Variants in EAF1 observed in about 807,000 individuals in gnomAD.
EAF1 encodes the protein ELL associated factor 1.
In EAF1, 19 loss-of-function variants were observed where a neutral mutation model predicts 26.6. That is an observed-to-expected ratio of 0.71 (90% CI 0.50 to 1.05). EAF1 has a LOEUF of 1.05. Ranked by LOEUF, EAF1 falls within the 50% of genes least tolerant of loss-of-function variation. The pLI is 0.00. For missense variants in EAF1, 260 were observed against 335.5 expected, an observed-to-expected ratio of 0.78 and a Z score of 1.76; for synonymous variants, 102 against 120.6, an observed-to-expected ratio of 0.85 and a Z score of 1.01.
At chr3:15,429,888 A>G (rs763173218) in intron 1 of EAF1, 25 bp from the exon 2 acceptor site, 2 of 1,515,340 alleles carry the variant, frequency 1.3e-6, no homozygotes, top group South Asian at 1.1e-5. Flanking sequence ...CTGGTGGGTA[A>G]GTGCTTTTTT....
intron 5 of EAF1, among the ~76,000 whole-genome samples, chr3:15,437,451 C>A (rs955232220): frequency 6.6e-6 from 1 of 151,904 alleles, no homozygotes; most frequent in African/African-American, 2.4e-5. Flanking sequence ...CCATACCCAG[C>A]CATTTTTAAA....
Position 15,439,218 on chromosome 3 carries a change from G to A in EAF1, c.*63G>A. 4 of 1,548,564 alleles carry A rather than the reference G, an allele frequency of 2.6e-6. No individual in the cohort carries two copies. Among genetic ancestry groups the A allele is most frequent in the Non-Finnish European group, 3.5e-6 (4 of 1,130,088 alleles). On this transcript the variant is annotated 3_prime_UTR_variant, in exon 6 of 6. Coordinates refer to ENST00000396842, the MANE Select transcript of EAF1 (RefSeq NM_033083.7). ...CATGCCGCAAGACTGAGCTACTTTG[G>A]CGTGGAGTCCATTGCAAGAGGAAAA...
chr3:15,429,811 C>T, intron 1 of EAF1, 102 bp from the exon 2 acceptor site: 3 of 738,762 alleles, frequency 4.1e-6, no homozygotes, highest in Non-Finnish European at 4.7e-6. Flanking sequence ...TTTTTATTTT[C>T]CATTCATCTG....
In EAF1 at chr3:15,440,543, T is replaced by C. The variant is rs1235453404; in HGVS notation, c.*1388T>C. On this transcript the variant is annotated 3_prime_UTR_variant, in exon 6 of 6. Transcript: ENST00000396842. The stretch of plus-strand genomic sequence containing the variant: ...TTTCCTCCACAGGTCCCTCCACTCA[T>C]ATGGCCTCTCCCTCCCCAGCTAGTG... The C allele has an allele frequency of 1.3e-5, 2 of 152,200 alleles. No individual in the cohort carries two copies. Among genetic ancestry groups the C allele is most frequent in the African/African-American group, 4.8e-5 (2 of 41,456 alleles). 9.4% of individuals were successfully genotyped at this position (152,200 alleles called of 1,614,324 possible).
At chr3:15,430,066 A>G in intron 2 of EAF1, 59 bp downstream of exon 2, 1 of 1,213,730 alleles carries the variant, frequency 8.2e-7, no homozygotes, top group Non-Finnish European at 1.2e-6. Context: ...TGTCTTTTAT[A>G]TTATTGCAAT....
chr3:15,428,271 C>A (rs1180450755), intron 1 of EAF1, among the ~76,000 whole-genome samples: 1 of 151,596 alleles, frequency 6.6e-6, no homozygotes, highest in East Asian at 1.9e-4. Context: ...TCCGATGCTC[C>A]CATCAGGGTT....
Position 15,436,670 on chromosome 3 carries a change from G to A in EAF1, c.760+95G>A, listed in dbSNP as rs112860435. The A allele has an allele frequency of 1.4e-3, 1,469 of 1,046,286 alleles. 13 individuals carry two copies. In the African/African-American group the frequency reaches 0.021, roughly 15 times the overall value. 64.8% of individuals were successfully genotyped at this position (1,046,286 alleles called of 1,614,324 possible). ...ACTTACAAACCTAAAGATGTTTAAGGCATGGGAGAGGATCTTGTTAAAAAT... is the reference window on the plus strand; with the variant it reads ...ACTTACAAACCTAAAGATGTTTAAGACATGGGAGAGGATCTTGTTAAAAAT... On this transcript the variant is annotated intron_variant, in intron 5 of 5. Coordinates refer to ENST00000396842, the MANE Select transcript of EAF1 (RefSeq NM_033083.7).
Position 15,442,488 on chromosome 3 carries a change from T to C in EAF1, c.*3333T>C, listed in dbSNP as rs1454247797. 1 of 150,638 alleles carries C rather than the reference T, an allele frequency of 6.6e-6. No homozygotes were observed. Among genetic ancestry groups the C allele is most frequent in the Non-Finnish European group, 1.5e-5 (1 of 68,028 alleles). 9.3% of individuals were successfully genotyped at this position (150,638 alleles called of 1,614,324 possible). On this transcript the variant is annotated 3_prime_UTR_variant, in exon 6 of 6. Coordinates refer to ENST00000396842, the MANE Select transcript of EAF1 (RefSeq NM_033083.7). ...TTTAAAATCTTGTGCCTAAAAGTTTTTTTGCTTAATTATGAAGTAGACATG... is the reference window on the plus strand; with the variant it reads ...TTTAAAATCTTGTGCCTAAAAGTTTCTTTGCTTAATTATGAAGTAGACATG...
Position 15,428,794 on chromosome 3 carries a change from C to G in EAF1, c.103+912C>G, listed in dbSNP as rs979547120. On this transcript the variant is annotated intron_variant, in intron 1 of 5. Transcript: ENST00000396842. ...ACTTCTGGTTTCCGTGGTGCTAACGCTGTTGTTAAGACTTGTTTTTGTCAG... is the reference window on the plus strand; with the variant it reads ...ACTTCTGGTTTCCGTGGTGCTAACGGTGTTGTTAAGACTTGTTTTTGTCAG... Among the ~76,000 whole-genome samples, 4 of 152,180 alleles carry G rather than the reference C, an allele frequency of 2.6e-5. No individual in the cohort carries two copies. The East Asian group carries it at 7.7e-4, about 29-fold the overall frequency.
chr3:15,433,439 A>G (rs2061814363), intron 3 of EAF1, among the ~76,000 whole-genome samples: 1 of 152,190 alleles, frequency 6.6e-6, no homozygotes, highest in Admixed American at 6.5e-5. Context: ...TGATATGGGA[A>G]CTAACAGTAT....
chr3:15,438,137 C>G (rs1372953201), intron 5 of EAF1, among the ~76,000 whole-genome samples: 1 of 152,194 alleles, frequency 6.6e-6, no homozygotes, highest in Non-Finnish European at 1.5e-5. Context: ...TTGAGGAGAA[C>G]TGGCCTAGAG....
In EAF1 at chr3:15,439,178, T is replaced by A; in HGVS notation, c.*23T>A. ...TAGTGCTGGATCTTTCGAAACCTAC[T>A]TTTTGGTGCACAAACATGCCGCAAG... On this transcript the variant is annotated 3_prime_UTR_variant, in exon 6 of 6. Coordinates refer to ENST00000396842, the MANE Select transcript of EAF1 (RefSeq NM_033083.7). 2 of 1,610,578 alleles carry A rather than the reference T, an allele frequency of 1.2e-6. No individual in the cohort carries two copies. The highest frequency in any genetic ancestry group is 1.7e-6 in the Non-Finnish European group (2 of 1,178,168).
chr3:15,427,887 G>A lies in EAF1; in HGVS notation c.103+5G>A. The stretch of plus-strand genomic sequence containing the variant: ...CCTCCTTCCACACTATTCGTTGTAA[G>A]TCAGCGCTCCCCACGGTTCCCTTCG... On this transcript the variant is annotated splice_donor_5th_base_variant and intron_variant, in intron 1 of 5. Transcript: ENST00000396842. The A allele has an allele frequency of 1.3e-6, 2 of 1,540,374 alleles. No homozygotes were observed. The highest frequency in any genetic ancestry group is 1.8e-6 in the Non-Finnish European group (2 of 1,140,162).
At position 15,428,920 on chromosome 3, in the gene EAF1, A is replaced by G. The variant is rs533470617; in HGVS notation, c.104-993A>G. ...TTGCCATGCCATTGCTATGCTTCCT[A>G]CTGACAGCAGATCCAGCTCTTTCAG... is the stretch of plus-strand genomic sequence containing the variant. On this transcript the variant is annotated intron_variant, in intron 1 of 5. Transcript: ENST00000396842. 3.3e-5 allele frequency among the ~76,000 whole-genome samples: 5 copies of G among 152,366 alleles called. No homozygotes were observed. The East Asian group carries it at 9.6e-4, about 29-fold the overall frequency.
chr3:15,432,926 A>AT lies in EAF1; in HGVS notation c.335+704dup, dbSNP rs540934596. ...AAATTGTAAAGATTGTCACAACCTG[A>AT]TGTTTTTTATGCTTCGTTAAGCCAT... On this transcript the variant is annotated intron_variant, in intron 3 of 5. Transcript: ENST00000396842. Among the ~76,000 whole-genome samples, 7 of 152,076 alleles carry AT rather than the reference A, an allele frequency of 4.6e-5. No homozygotes were observed. In the East Asian group the frequency reaches 9.7e-4, roughly 21 times the overall value.
At chr3:15,428,298 C>A (rs952288391) in intron 1 of EAF1, among the ~76,000 whole-genome samples, 5 of 151,796 alleles carry the variant, frequency 3.3e-5, no homozygotes, top group Admixed American at 6.6e-5. Context: ...ATTTAAAAGA[C>A]GCTTCTTGTT....
intron 2 of EAF1, among the ~76,000 whole-genome samples, chr3:15,431,502 G>A (rs1311371399): frequency 1.3e-5 from 2 of 152,218 alleles, no homozygotes; most frequent in Non-Finnish European, 2.9e-5. Context: ...ATGCGCAGGG[G>A]AGTATGCTGC....
chr3:15,436,617 G>T, intron 5 of EAF1, 42 bp downstream of exon 5: 1 of 1,446,164 alleles, frequency 6.9e-7, no homozygotes, highest in South Asian at 1.4e-5. Context: ...AGGGCCATAG[G>T]TGCAGCTTCT....
rs73144118 is a variant in EAF1, at chr3:15,432,694, G to A, written c.335+471G>A. On this transcript the variant is annotated intron_variant, in intron 3 of 5. Transcript: ENST00000396842. The stretch of plus-strand genomic sequence containing the variant: ...CTCTTTAATTCAACAGTTGCTACAT[G>A]TCTAAAATGAAGCCAGTTAGAGTTT... Among the ~76,000 whole-genome samples, 843 of 152,058 alleles carry A rather than the reference G, an allele frequency of 5.5e-3. 7 individuals are homozygous for A. The highest frequency in any genetic ancestry group is 0.018 in the African/African-American group (757 of 41,464).
Sources: allele counts gnomAD v4.1 joint callset (sites outside exome capture counted in the v4.1 genomes callset), GRCh38; gene constraint gnomAD v4.1.1; transcripts MANE v1.5; gene names NCBI Gene and HGNC (gene_info 2026-07-23, HGNC 2026-07-21).